Variants in POF1B observed in about 807,000 individuals in gnomAD.
The protein encoded by POF1B is POF1B actin binding protein.
A neutral mutation model predicts 55.3 loss-of-function variants in POF1B; 53 were observed. The observed-to-expected ratio is 0.96, with a 90% confidence interval of 0.77 to 1.20. The LOEUF (loss-of-function observed/expected upper bound fraction) is 1.20. POF1B is among the 50% of genes most tolerant of loss of function. The pLI is 0.00. For synonymous variants in POF1B, 188 were observed against 148.3 expected, an observed-to-expected ratio of 1.27 and a Z score of -1.95; for missense variants, 478 against 420.5, an observed-to-expected ratio of 1.14 and a Z score of -1.20.
intron 2 of POF1B, among the ~76,000 whole-genome samples, chrX:85,372,772 A>ATATATATAT (rs1193270205): frequency 2.0e-5 from 2 of 101,499 alleles, no homozygotes; most frequent in African/African-American, 7.2e-5. Context: ...TATTATATAT[A>ATATATATAT]CTATATATAT....
At chrX:85,296,810 A>C (rs956827446) in intron 15 of POF1B, among the ~76,000 whole-genome samples, 2 of 112,241 alleles carry the variant, frequency 1.8e-5, no homozygotes, top group African/African-American at 6.5e-5. Flanking sequence ...GGAAATTTTC[A>C]TGGACCATAT....
At chrX:85,317,026 C>T (rs1932793451) in intron 7 of POF1B, among the ~76,000 whole-genome samples, 1 of 110,501 alleles carries the variant, frequency 9.0e-6, no homozygotes, top group African/African-American at 3.3e-5. Flanking sequence ...GCCTCCAGCT[C>T]CGTCCATGTC....
At chrX:85,309,736 A>G (rs752153264) in intron 9 of POF1B, among the ~76,000 whole-genome samples, 1 of 111,834 alleles carries the variant, frequency 8.9e-6, no homozygotes, top group Non-Finnish European at 1.9e-5. Context: ...TTGCAACTCT[A>G]CTTCCACACG....
chrX:85,289,614 C>A (rs1932136786), intron 15 of POF1B, among the ~76,000 whole-genome samples: 1 of 111,354 alleles, frequency 9.0e-6, no homozygotes, highest in Non-Finnish European at 1.9e-5. Context: ...CGGGGGCATC[C>A]CAGTTCAGTC....
At chrX:85,378,130 C>G (rs748149669) in intron 2 of POF1B, among the ~76,000 whole-genome samples, 37 of 111,079 alleles carry the variant, frequency 3.3e-4, no homozygotes, top group Non-Finnish European at 6.0e-4. Context: ...TCTCCTTGAC[C>G]TCAGTATAAG....
intron 7 of POF1B, among the ~76,000 whole-genome samples, chrX:85,327,386 T>C (rs950357283): frequency 1.6e-4 from 18 of 111,855 alleles, no homozygotes; most frequent in Admixed American, 1.2e-3. Context: ...TTCTTTGTAA[T>C]TGCTTATGAG....
In POF1B at chrX:85,306,442, A is replaced by G. The variant is rs751799715; in HGVS notation, c.1165-109T>C. 3.0e-4 allele frequency: 236 copies of G among 778,114 alleles called. 1 individual carries two copies. The African/African-American group carries it at 4.6e-3, about 15-fold the overall frequency. The allele number at this position is 778,114 out of a possible 1,213,427, so 64.1% of individuals were successfully genotyped here. On this transcript the variant is annotated intron_variant, in intron 11 of 16. Transcript: ENST00000262753. ...ATCAAGTAAATATTTTCCTATGCCC[A>G]GTTTTCTTATACTCTGGGTCTTAGA...
At chrX:85,345,669 C>T (rs1017455069) in intron 6 of POF1B, among the ~76,000 whole-genome samples, 191 bp downstream of exon 6, 1 of 111,110 alleles carries the variant, frequency 9.0e-6, no homozygotes, top group African/African-American at 3.3e-5. Flanking sequence ...ATGTCTTAAT[C>T]GACCTAAATT....
chrX:85,333,787 A>G (rs781195465), intron 6 of POF1B, among the ~76,000 whole-genome samples: 13 of 111,093 alleles, frequency 1.2e-4, no homozygotes, highest in Admixed American at 1.9e-4. Context: ...AATAATGTCC[A>G]TCAGATTCTC....
At chrX:85,322,114 A>C in intron 7 of POF1B, among the ~76,000 whole-genome samples, 1 of 111,484 alleles carries the variant, frequency 9.0e-6, no homozygotes, top group Non-Finnish European at 1.9e-5. Flanking sequence ...ATAGGGAACC[A>C]AAAAAGAGCC....
intron 15 of POF1B, among the ~76,000 whole-genome samples, chrX:85,288,653 TG>T (rs1932108751): frequency 9.0e-6 from 1 of 111,250 alleles, no homozygotes; most frequent in Non-Finnish European, 1.9e-5. Context: ...AATCAAATCA[TG>T]GGGGCTGGTC....
chrX:85,329,664 G>C (rs1176781425), intron 7 of POF1B, among the ~76,000 whole-genome samples: 1 of 106,038 alleles, frequency 9.4e-6, no homozygotes, highest in East Asian at 3.1e-4. Flanking sequence ...GAATAAGGCA[G>C]AGAGTTAGAG....
At chrX:85,326,765 T>G (rs1376581554) in intron 7 of POF1B, among the ~76,000 whole-genome samples, 1 of 109,183 alleles carries the variant, frequency 9.2e-6, no homozygotes, top group Non-Finnish European at 1.9e-5. Flanking sequence ...ACGGGCAGAC[T>G]GGTGCATGCC....
At chrX:85,293,786 A>G (rs1440434199) in intron 15 of POF1B, among the ~76,000 whole-genome samples, 1 of 111,418 alleles carries the variant, frequency 9.0e-6, no homozygotes, top group Non-Finnish European at 1.9e-5. Flanking sequence ...CAGCCTGGCC[A>G]ACATGGTGAA....
At chrX:85,378,453 T>A (rs1301306354) in intron 2 of POF1B, among the ~76,000 whole-genome samples, 3 of 111,889 alleles carry the variant, frequency 2.7e-5, no homozygotes, top group Non-Finnish European at 5.6e-5. Flanking sequence ...ACACAGGTAT[T>A]GGTGCTAAGA....
chrX:85,366,493 A>G (rs1933725584), intron 3 of POF1B, among the ~76,000 whole-genome samples: 1 of 111,769 alleles, frequency 8.9e-6, no homozygotes, highest in South Asian at 3.8e-4. Flanking sequence ...ACTACAACAA[A>G]CACATATTTT....
At chrX:85,281,048 C>T (rs755633868) in intron 16 of POF1B, among the ~76,000 whole-genome samples, 1 of 110,370 alleles carries the variant, frequency 9.1e-6, no homozygotes, top group Non-Finnish European at 1.9e-5. Context: ...CCGTAAGGTA[C>T]AAAATTGTTG....
chrX:85,331,715 T>C (rs1239540809), intron 6 of POF1B, among the ~76,000 whole-genome samples: 1 of 111,258 alleles, frequency 9.0e-6, no homozygotes, highest in African/African-American at 3.3e-5. Flanking sequence ...TTTGGATTTG[T>C]TAACCAATCT....
At chrX:85,285,807 T>A (rs987769452) in intron 15 of POF1B, among the ~76,000 whole-genome samples, 11 of 111,119 alleles carry the variant, frequency 9.9e-5, no homozygotes, top group Non-Finnish European at 1.7e-4. Flanking sequence ...TAATAAAAAA[T>A]TTTTAAAAAT....
Sources: gnomAD v4.1 joint callset for allele counts (sites outside exome capture counted in the v4.1 genomes callset) on GRCh38, gnomAD v4.1.1 for gene constraint, MANE v1.5 for transcripts, NCBI Gene and HGNC (gene_info 2026-07-23, HGNC 2026-07-21) for gene names.